C10orf90: variants seen among roughly 807,000 people sequenced by gnomAD.
C10orf90 encodes the protein chromosome 10 open reading frame 90.
In C10orf90, 56 loss-of-function variants were observed where a neutral mutation model predicts 62.5. That is an observed-to-expected ratio of 0.90 (90% CI 0.72 to 1.12). C10orf90 has a LOEUF of 1.12. Ranked by LOEUF, C10orf90 falls within the 50% of genes most tolerant of loss-of-function variation. The pLI is 0.00. For missense variants in C10orf90, 970 were observed against 880.4 expected, an observed-to-expected ratio of 1.10 and a Z score of -1.29; for synonymous variants, 386 against 340.4, an observed-to-expected ratio of 1.13 and a Z score of -1.47.
chr10:126,564,425 C>G, intron 2 of C10orf90, among the ~76,000 whole-genome samples: 1 of 151,810 alleles, frequency 6.6e-6, no homozygotes, highest in Middle Eastern at 3.2e-3. Context: ...AACAGCCAAG[C>G]CTGCAAACCT....
chr10:126,513,097 C>T (rs1591048834), intron 3 of C10orf90, among the ~76,000 whole-genome samples: 1 of 152,126 alleles, frequency 6.6e-6, no homozygotes, highest in Non-Finnish European at 1.5e-5. Flanking sequence ...TAGCAGATGC[C>T]TTGTAAACTG....
At chr10:126,499,344 A>G (rs904185495) in intron 4 of C10orf90, among the ~76,000 whole-genome samples, 1 of 152,198 alleles carries the variant, frequency 6.6e-6, no homozygotes, top group Non-Finnish European at 1.5e-5. Flanking sequence ...AAAGCCAAAC[A>G]CATATTTTCA....
At chr10:126,512,121 CAAGTT>C (rs1450997010) in intron 3 of C10orf90, 1 of 151,942 alleles carries the variant, frequency 6.6e-6, no homozygotes, top group Non-Finnish European at 1.5e-5. Context: ...CTAAACCTTC[CAAGTT>C]AAGAGGGAAA....
rs762197645 is a variant in C10orf90, at chr10:126,464,858, C to T, written c.1663G>A (p.Asp555Asn). The change falls in exon 5 of 10, where the codon GAT (aspartate) becomes AAT (asparagine). Residue 555 changes from aspartate to asparagine, a missense_variant. Physicochemically the swap from Asp to Asn is conservative, Grantham distance 23 (BLOSUM62 1). Transcript: ENST00000488181. The part of the protein sequence containing the change: ...FLPIGDSSPS[D>N]DCLSRDLSEP... ...GAAAGGTCTCTAGACAGACAGTCAT[C>T]GCTTGGAGAGCTATCCCCAATGGGA... is the stretch of plus-strand genomic sequence containing the variant. 21 of 1,614,170 alleles carry T rather than the reference C, an allele frequency of 1.3e-5. No homozygotes were observed. The highest frequency in any genetic ancestry group is 4.5e-5 in the East Asian group (2 of 44,876).
intron 2 of C10orf90, among the ~76,000 whole-genome samples, chr10:126,561,900 C>G (rs1294573288): frequency 1.3e-5 from 2 of 152,196 alleles, no homozygotes; most frequent in Non-Finnish European, 2.9e-5. Context: ...AAAGAACCCC[C>G]CACTGAGAGA....
chr10:126,491,769 GTGAT>G (rs1861785187), intron 4 of C10orf90, among the ~76,000 whole-genome samples: 1 of 152,230 alleles, frequency 6.6e-6, no homozygotes, highest in African/African-American at 2.4e-5. Context: ...AATTAAATGT[GTGAT>G]TGGCATTTCC....
intron 1 of C10orf90, among the ~76,000 whole-genome samples, chr10:126,657,526 T>G (rs1160946579): frequency 6.6e-6 from 1 of 152,248 alleles, no homozygotes; most frequent in Non-Finnish European, 1.5e-5. Context: ...ATTCCATTTG[T>G]ATGAAGTCCA....
intron 1 of C10orf90, among the ~76,000 whole-genome samples, chr10:126,656,474 G>A (rs150517804): frequency 6.5e-4 from 99 of 152,310 alleles, no homozygotes; most frequent in African/African-American, 2.4e-3. Flanking sequence ...GGAAGAGTCA[G>A]GATTCATATC....
intron 1 of C10orf90, among the ~76,000 whole-genome samples, chr10:126,663,034 T>C (rs116939679): frequency 1.2e-3 from 188 of 152,308 alleles, no homozygotes; most frequent in Middle Eastern, 6.8e-3. Flanking sequence ...AATACATATT[T>C]GTTACAAGAG....
At chr10:126,552,986 C>T (rs1451846288) in intron 2 of C10orf90, among the ~76,000 whole-genome samples, 1 of 152,188 alleles carries the variant, frequency 6.6e-6, no homozygotes, top group East Asian at 1.9e-4. Flanking sequence ...TGAACCTCAA[C>T]CCTGCTTCCC....
At chr10:126,449,755 T>C (rs946212848) in intron 7 of C10orf90, among the ~76,000 whole-genome samples, 2 of 152,006 alleles carry the variant, frequency 1.3e-5, no homozygotes, top group African/African-American at 4.8e-5. Context: ...TCCCAGCACT[T>C]TGGGAGGCCG....
intron 7 of C10orf90, among the ~76,000 whole-genome samples, chr10:126,452,567 A>G (rs1315752453): frequency 6.6e-6 from 1 of 152,196 alleles, no homozygotes; most frequent in African/African-American, 2.4e-5. Flanking sequence ...AACTCCTCAT[A>G]AAGTCATTTT....
At chr10:126,563,776 G>A (rs146460749) in intron 2 of C10orf90, among the ~76,000 whole-genome samples, 6 of 152,270 alleles carry the variant, frequency 3.9e-5, no homozygotes, top group East Asian at 3.9e-4. Flanking sequence ...AGGAATTGGC[G>A]GCGGCAGCTG....
rs371720884 is a variant in C10orf90 at position 126,623,992 on chromosome 10, G to A, written c.313+22573C>T. On this transcript the variant is annotated intron_variant, in intron 2 of 9. Coordinates refer to ENST00000488181, the MANE Select transcript of C10orf90 (RefSeq NM_001350921.2). ...AATGACTCCACCATCGCATTTTGGG[G>A]TCAACCCTGGTAATGCAAAGAGATG... is the stretch of plus-strand genomic sequence containing the variant. Among the ~76,000 whole-genome samples the A allele has an allele frequency of 1.4e-4, 22 of 152,234 alleles. No homozygotes were observed. In the South Asian group the frequency reaches 2.1e-3, roughly 14 times the overall value.
intron 1 of C10orf90, among the ~76,000 whole-genome samples, chr10:126,663,265 G>T (rs1205194370): frequency 6.6e-6 from 1 of 152,156 alleles, no homozygotes; most frequent in Non-Finnish European, 1.5e-5. Context: ...ACTTGATCCT[G>T]GTGTAGTTGA....
At chr10:126,426,592 T>C (rs1857279437) in intron 8 of C10orf90, among the ~76,000 whole-genome samples, 1 of 152,124 alleles carries the variant, frequency 6.6e-6, no homozygotes, top group South Asian at 2.1e-4. Context: ...GTGTGTGTGT[T>C]TTTACCTCTC....
At chr10:126,545,754 C>T (rs909007499) in intron 2 of C10orf90, among the ~76,000 whole-genome samples, 2 of 152,146 alleles carry the variant, frequency 1.3e-5, no homozygotes, top group Non-Finnish European at 2.9e-5. Context: ...TCTTCTCTCT[C>T]AGTTAATCGG....
At chr10:126,627,000 CTT>C (rs61226052) in intron 2 of C10orf90, among the ~76,000 whole-genome samples, 2 of 119,480 alleles carry the variant, frequency 1.7e-5, no homozygotes. Flanking sequence ...TTTTTCTTTT[CTT>C]TTTTTTTTTT....
intron 1 of C10orf90, among the ~76,000 whole-genome samples, chr10:126,666,267 T>C (rs933846313): frequency 2.0e-5 from 3 of 152,140 alleles, no homozygotes; most frequent in Admixed American, 6.5e-5. Context: ...CATTACCAAA[T>C]ATCCCCAGGG....
Sources: allele counts gnomAD v4.1 joint callset (sites outside exome capture counted in the v4.1 genomes callset), GRCh38; gene constraint gnomAD v4.1.1; transcripts MANE v1.5; gene names NCBI Gene and HGNC (gene_info 2026-07-23, HGNC 2026-07-21).